The following EXOC4 variants were observed in gnomAD, a reference collection of about 807,000 sequenced individuals.
The protein encoded by EXOC4 is exocyst complex component 4.
A neutral mutation model predicts 107.2 loss-of-function variants in EXOC4; 71 were observed. The ratio of observed to expected loss-of-function variants is 0.66; its 90% CI spans 0.55 to 0.81. EXOC4 has a LOEUF of 0.81. Among genes scored for constraint, EXOC4 ranks in the 30% least tolerant of loss-of-function variants. The pLI, the probability that EXOC4 is intolerant of heterozygous loss-of-function variation, is 0.00. For missense variants in EXOC4, 1,108 were observed against 1,189.6 expected (o/e 0.93, Z 1.01); for synonymous variants, 456 against 441.2 (o/e 1.03, Z -0.42).
rs1796148501 is a variant in EXOC4 at position 134,064,843 on chromosome 7, T to C, written c.*315T>C. 5.8e-6 allele frequency: 1 copy of C among 171,294 alleles called. No individual in the cohort carries two copies. Among genetic ancestry groups the C allele is most frequent in the South Asian group, 1.9e-4 (1 of 5,304 alleles). The allele number at this position is 171,294 out of a possible 1,614,324, so 10.6% of individuals were successfully genotyped here. A position where few individuals can be genotyped will look rare whatever the true frequency, so the allele number is the denominator to read the frequency against. On this transcript the variant is annotated 3_prime_UTR_variant, in exon 18 of 18. Coordinates refer to ENST00000253861, the MANE Select transcript of EXOC4 (RefSeq NM_021807.4). ...GGATGGATTACTAATATTTGATTTA[T>C]TACTCAATATATATATAATTCCAGC...
chr7:133,317,333 C>T lies in EXOC4; in HGVS notation c.706C>T (p.Pro236Ser), dbSNP rs747016421. ...SVPLIDVTNL[P>S]TPRKFLDTSH... is the part of the protein sequence containing the mutation. ...TCCTCTGATTGATGTTACAAACCTCCCTACTCCTCGAAAATTCCTTGATAC... is the reference window on the plus strand; with the variant it reads ...TCCTCTGATTGATGTTACAAACCTCTCTACTCCTCGAAAATTCCTTGATAC... Residue 236 changes from proline to serine, a missense_variant, in exon 5 of 18, where the codon CCT (proline) becomes TCT (serine). Physicochemically the swap from Pro to Ser is moderately conservative, Grantham distance 74 (BLOSUM62 -1). Coordinates refer to ENST00000253861, the MANE Select transcript of EXOC4 (RefSeq NM_021807.4). 1.2e-6 allele frequency: 2 copies of T among 1,613,882 alleles called. No homozygotes were observed. Among genetic ancestry groups the T allele is most frequent in the East Asian group, 2.2e-5 (1 of 44,870 alleles).
At chr7:133,522,166 C>T (rs1307827265) in intron 9 of EXOC4, among the ~76,000 whole-genome samples, 5 of 152,104 alleles carry the variant, frequency 3.3e-5, no homozygotes, top group Non-Finnish European at 5.9e-5. Flanking sequence ...AACATACAAA[C>T]AAACCCCTGA....
chr7:134,045,886 C>T (rs4728307), intron 17 of EXOC4, among the ~76,000 whole-genome samples: 24,540 of 151,986 alleles, frequency 0.16, 2,520 homozygotes, highest in East Asian at 0.42. Flanking sequence ...TAGTCTTTTG[C>T]GGCTAGCTTG....
chr7:134,070,812 G>A (rs934501598), downstream of EXOC4, among the ~76,000 whole-genome samples: 35 of 151,458 alleles, frequency 2.3e-4, no homozygotes, highest in African/African-American at 5.8e-4. Flanking sequence ...AGGTGTTTTC[G>A]GGTGAGTGCA....
At chr7:133,421,810 T>C (rs1303063576) in intron 7 of EXOC4, among the ~76,000 whole-genome samples, 1 of 152,186 alleles carries the variant, frequency 6.6e-6, no homozygotes, top group East Asian at 1.9e-4. Context: ...CCCCAATGCC[T>C]ACATAATTTG....
At position 133,679,468 on chromosome 7, in the gene EXOC4, A is replaced by T. The variant is rs540741141; in HGVS notation, c.1514+49327A>T. On this transcript the variant is annotated intron_variant, in intron 10 of 17. Transcript: ENST00000253861. ...TCTCCTCATGGTGGAAGTCCACTAC[A>T]GAGCTGCTGAGAGCAGAGCCTTTAG... Among the ~76,000 whole-genome samples the T allele has an allele frequency of 2.0e-5, 3 of 152,182 alleles. No individual in the cohort carries two copies. The East Asian group carries it at 5.8e-4, about 29-fold the overall frequency.
chr7:133,632,083 A>AAT (rs1333866351), intron 10 of EXOC4, among the ~76,000 whole-genome samples: 17 of 152,058 alleles, frequency 1.1e-4, no homozygotes, highest in African/African-American at 4.1e-4. Context: ...CATATATGTA[A>AAT]ATATATATGT....
At chr7:133,579,806 C>T (rs1405515787) in intron 9 of EXOC4, among the ~76,000 whole-genome samples, 1 of 152,080 alleles carries the variant, frequency 6.6e-6, no homozygotes, top group Non-Finnish European at 1.5e-5. Flanking sequence ...CCTGCTTCAG[C>T]CTCCTGAGTA....
At chr7:133,645,542 C>T (rs994539230) in intron 10 of EXOC4, among the ~76,000 whole-genome samples, 32 of 151,962 alleles carry the variant, frequency 2.1e-4, no homozygotes, top group African/African-American at 7.7e-4. Flanking sequence ...CTTTGCATAA[C>T]TAGAACTTGA....
At chr7:133,880,167 T>A (rs1325924481) in intron 11 of EXOC4, among the ~76,000 whole-genome samples, 1 of 152,202 alleles carries the variant, frequency 6.6e-6, no homozygotes, top group African/African-American at 2.4e-5. Context: ...CCTTACCTTG[T>A]CTTTTATACT....
intron 10 of EXOC4, among the ~76,000 whole-genome samples, chr7:133,697,820 T>C (rs1794570128): frequency 6.6e-6 from 1 of 152,176 alleles, no homozygotes; most frequent in African/African-American, 2.4e-5. Context: ...TGCCAGATGA[T>C]AAGTTATCCA....
At chr7:133,966,264 A>G (rs1249011875) in intron 14 of EXOC4, among the ~76,000 whole-genome samples, 1 of 152,222 alleles carries the variant, frequency 6.6e-6, no homozygotes, top group African/African-American at 2.4e-5. Flanking sequence ...CAATCATGTC[A>G]TCTGCAGACA....
chr7:133,359,260 G>A (rs1169522270), intron 6 of EXOC4, among the ~76,000 whole-genome samples: 3 of 152,150 alleles, frequency 2.0e-5, no homozygotes, highest in Non-Finnish European at 4.4e-5. Context: ...TAATTCTCTT[G>A]AATTAAGCAG....
At chr7:134,081,831 T>C in the EXOC4 span, among the ~76,000 whole-genome samples, 2 of 152,144 alleles carry the variant, frequency 1.3e-5, no homozygotes, top group Non-Finnish European at 2.9e-5. Flanking sequence ...GATGATAAAC[T>C]TGAGGCACTT....
At chr7:133,588,846 C>T (rs921748657) in intron 9 of EXOC4, among the ~76,000 whole-genome samples, 1 of 151,992 alleles carries the variant, frequency 6.6e-6, no homozygotes, top group Non-Finnish European at 1.5e-5. Context: ...CATTGCATGC[C>T]AGACTGGGCG....
chr7:134,050,368 T>G (rs1178684498), intron 17 of EXOC4, among the ~76,000 whole-genome samples: 1 of 152,218 alleles, frequency 6.6e-6, no homozygotes, highest in Non-Finnish European at 1.5e-5. Context: ...TATCCTCATT[T>G]TACAGATGAG....
intron 13 of EXOC4, among the ~76,000 whole-genome samples, chr7:133,932,544 A>G (rs142287223): frequency 1.3e-5 from 2 of 152,206 alleles, no homozygotes; most frequent in Non-Finnish European, 2.9e-5. Context: ...ACATCTTGCT[A>G]TACTCACTCT....
Position 133,857,485 on chromosome 7 carries a change from C to T in EXOC4, c.1735-38114C>T, listed in dbSNP as rs1234284669. On this transcript the variant is annotated intron_variant, in intron 11 of 17. Transcript: ENST00000253861. ...CGCCTCTGCTTGAGTTTCACTCATGCCCGTTGGGCTTGTTCTGTCCCCTGG... is the reference window on the plus strand; with the variant it reads ...CGCCTCTGCTTGAGTTTCACTCATGTCCGTTGGGCTTGTTCTGTCCCCTGG... Among the ~76,000 whole-genome samples the T allele has an allele frequency of 5.5e-5, 3 of 54,658 alleles. No individual in the cohort carries two copies. The Admixed American group carries it at 8.1e-4, about 15-fold the overall frequency. The allele number at this position is 54,658 out of a possible 152,430, so 35.9% of individuals were successfully genotyped here.
intron 17 of EXOC4, among the ~76,000 whole-genome samples, chr7:134,041,272 C>T (rs1795510660): frequency 6.6e-6 from 1 of 152,112 alleles, no homozygotes; most frequent in East Asian, 1.9e-4. Flanking sequence ...ATTTCTTTAC[C>T]TCCTTAATTT....
Sources: allele counts gnomAD v4.1 joint callset (sites outside exome capture counted in the v4.1 genomes callset), GRCh38; gene constraint gnomAD v4.1.1; transcripts MANE v1.5; gene names NCBI Gene and HGNC (gene_info 2026-07-23, HGNC 2026-07-21).